The following HEG1 variants were observed in gnomAD, a reference collection of about 807,000 sequenced individuals.
The protein encoded by HEG1 is heart development protein with EGF like domains 1.
A neutral mutation model predicts 125.6 loss-of-function variants in HEG1; 56 were observed. The ratio of observed to expected loss-of-function variants is 0.45; its 90% CI spans 0.36 to 0.56. The LOEUF (loss-of-function observed/expected upper bound fraction) is 0.56, where lower values mean the gene tolerates loss of function less well. Ranked by LOEUF, HEG1 falls within the 20% of genes least tolerant of loss-of-function variation. The pLI is 0.00. For missense variants in HEG1, 1,523 were observed against 1,670.0 expected, an observed-to-expected ratio of 0.91 and a Z score of 1.53; for synonymous variants, 644 against 668.5, an observed-to-expected ratio of 0.96 and a Z score of 0.57.
At chr3:124,975,531 TA>T (rs1359838786) in intron 15 of HEG1, among the ~76,000 whole-genome samples, 1 of 152,246 alleles carries the variant, frequency 6.6e-6, no homozygotes, top group Non-Finnish European at 1.5e-5. Flanking sequence ...TACATAGCTT[TA>T]CTGAGAAACA....
intron 4 of HEG1, 120 bp downstream of exon 4, chr3:125,020,672 T>C (rs1937322290): frequency 1.4e-6 from 1 of 737,042 alleles, no homozygotes; most frequent in Non-Finnish European, 2.2e-6. Flanking sequence ...CAAAATGCAA[T>C]AGTGCCATTA....
At position 124,970,397 on chromosome 3, in the gene HEG1, G is replaced by C; in HGVS notation, c.*255C>G. On this transcript the variant is annotated 3_prime_UTR_variant, in exon 17 of 17. Coordinates refer to ENST00000311127, the MANE Select transcript of HEG1 (RefSeq NM_020733.2). ...GCCCTGGTGCCAGTGCCATGGTGCA[G>C]TCACTCAGAGAGACTCTCTTGATAC... 2.3e-6 allele frequency: 1 copy of C among 438,824 alleles called. No individual in the cohort carries two copies. 27.2% of individuals were successfully genotyped at this position (438,824 alleles called of 1,614,324 possible).
In HEG1 at chr3:125,013,808, A is replaced by G; in HGVS notation, c.1771T>C (p.Ser591Pro). ...GAATACTCTGAATGTGAAGAGTTTG[A>G]GATTTTAATATAAGAAGTTGAGCTC... Reference protein sequence around the residue: ...VESSTSYIKISNSSHSEYSSF... With the variant: ...VESSTSYIKIPNSSHSEYSSF... Residue 591 changes from serine (S) to proline (P), a missense_variant, in exon 6 of 17, where the codon TCA (serine) becomes CCA (proline). Coordinates refer to ENST00000311127, the MANE Select transcript of HEG1 (RefSeq NM_020733.2). 6.2e-7 allele frequency: 1 copy of G among 1,613,956 alleles called. No individual in the cohort carries two copies. Among genetic ancestry groups the G allele is most frequent in the Non-Finnish European group, 8.5e-7 (1 of 1,179,852 alleles).
chr3:125,020,480 G>A (rs924726376), intron 4 of HEG1, among the ~76,000 whole-genome samples: 2 of 152,062 alleles, frequency 1.3e-5, no homozygotes, highest in Non-Finnish European at 2.9e-5. Flanking sequence ...AGACCATCCT[G>A]TAGAGTGAAA....
chr3:124,993,417 G>C lies in HEG1; in HGVS notation c.3653-2431C>G, dbSNP rs146051243. On this transcript the variant is annotated intron_variant, in intron 12 of 16. Transcript: ENST00000311127. ...CCCCATCTCCCAATCTTTGATACCT[G>C]AGTTCTCTGCTGGCCTCACTCAGGT... 9.8e-5 allele frequency among the ~76,000 whole-genome samples: 15 copies of C among 152,312 alleles called. No individual in the cohort carries two copies. The East Asian group carries it at 2.9e-3, about 29-fold the overall frequency.
In HEG1 at chr3:124,965,940, C is replaced by T. The variant is rs971483303; in HGVS notation, c.*4712G>A. 1.3e-5 allele frequency: 2 copies of T among 152,142 alleles called. No homozygotes were observed. The highest frequency in any genetic ancestry group is 4.8e-5 in the African/African-American group (2 of 41,438). 9.4% of individuals were successfully genotyped at this position (152,142 alleles called of 1,614,324 possible). On this transcript the variant is annotated 3_prime_UTR_variant, in exon 17 of 17. Coordinates refer to ENST00000311127, the MANE Select transcript of HEG1 (RefSeq NM_020733.2). Reference sequence around the variant, plus strand: ...AAGGTTTACAAAGAGAAATCCAGGACAACATGAAAACTCCCAAAGTTCATA... The same window carrying T: ...AAGGTTTACAAAGAGAAATCCAGGATAACATGAAAACTCCCAAAGTTCATA...
rs201438380 is a variant in HEG1, at chr3:125,012,968, T to C, written c.2611A>G (p.Ile871Val). 500 of 1,613,938 alleles carry C rather than the reference T, an allele frequency of 3.1e-4. 1 individual carries two copies. The highest frequency in any genetic ancestry group is 1.2e-3 in the Admixed American group (71 of 60,012). ...TTTCCAGCTGTAGTCTGTACGGCTA[T>C]AGGGCCAGTGACCAGAGATGCTGTG... The part of the protein sequence containing the change: ...SSTASLVTGP[I>V]AVQTTAGKQL... Residue 871 changes from isoleucine (I) to valine (V), a missense_variant, in exon 6 of 17, where the codon ATA (isoleucine) becomes GTA (valine). Ile to Val is a conservative substitution (Grantham distance 29). Coordinates refer to ENST00000311127, the MANE Select transcript of HEG1 (RefSeq NM_020733.2).
At chr3:125,041,536 A>C (rs946602256) in intron 1 of HEG1, among the ~76,000 whole-genome samples, 6 of 152,226 alleles carry the variant, frequency 3.9e-5, no homozygotes, top group Non-Finnish European at 8.8e-5. Context: ...TGTGGAAAAC[A>C]GTATGGCGGT....
intron 4 of HEG1, 97 bp from the exon 5 acceptor site, chr3:125,019,694 C>A: frequency 1.1e-6 from 1 of 881,690 alleles, no homozygotes. Flanking sequence ...AGATTCTTTG[C>A]CAAGGAACCT....
At position 125,055,598 on chromosome 3, in the gene HEG1, C is replaced by T; in HGVS notation, c.293G>A (p.Arg98Gln). Residue 98 changes from arginine to glutamine, a missense_variant, in exon 1 of 17, where the codon CGG (arginine) becomes CAG (glutamine). Transcript: ENST00000311127. Reference sequence around the variant, plus strand: ...ACCCGCGCTCCCGCCTCTGGGGGCCCGGCCGGAGGGTCCCCGCTGTGTCGC... The same window carrying T: ...ACCCGCGCTCCCGCCTCTGGGGGCCTGGCCGGAGGGTCCCCGCTGTGTCGC... The part of the protein sequence containing the change: ...GAATQRGPSG[R>Q]APRGGSADAA... 1 of 1,205,402 alleles carries T rather than the reference C, an allele frequency of 8.3e-7. No homozygotes were observed. The highest frequency in any genetic ancestry group is 1.0e-6 in the Non-Finnish European group (1 of 970,674). The allele number at this position is 1,205,402 out of a possible 1,614,324, so 74.7% of individuals were successfully genotyped here.
At chr3:125,027,120 G>A (rs923882474) in intron 3 of HEG1, 85 bp downstream of exon 3, 1 of 1,231,642 alleles carries the variant, frequency 8.1e-7, no homozygotes, top group African/African-American at 1.5e-5. Context: ...CCACTATTAT[G>A]AGTATGTAAC....
chr3:125,036,339 A>G (rs1937547508), intron 1 of HEG1, among the ~76,000 whole-genome samples: 1 of 152,122 alleles, frequency 6.6e-6, no homozygotes, highest in East Asian at 1.9e-4. Context: ...AAAAAAATCA[A>G]TAAATAGCAA....
intron 12 of HEG1, among the ~76,000 whole-genome samples, 160 bp downstream of exon 12, chr3:124,997,529 A>ATG (rs1419151218): frequency 2.0e-5 from 3 of 152,236 alleles, no homozygotes; most frequent in African/African-American, 7.2e-5. Flanking sequence ...CAAGGAGATA[A>ATG]TGTATTCAAT....
chr3:124,990,368 T>C (rs1936812364), intron 14 of HEG1, among the ~76,000 whole-genome samples: 1 of 151,294 alleles, frequency 6.6e-6, no homozygotes, highest in Non-Finnish European at 1.5e-5. Flanking sequence ...AAACGAAGTG[T>C]CGCTCTGTAA....
At chr3:124,997,909 G>T in intron 11 of HEG1, 86 bp from the exon 12 acceptor site, 1 of 1,363,472 alleles carries the variant, frequency 7.3e-7, no homozygotes, top group Non-Finnish European at 9.7e-7. Flanking sequence ...AAGCTCATGT[G>T]TCTGCATGAA....
Position 124,973,916 on chromosome 3 carries a change from CA to C in HEG1, c.3822-12del, listed in dbSNP as rs758022319. The stretch of plus-strand genomic sequence containing the variant: ...TCATTTTTATTCTTTCTGTGGGATA[CA>C]AAAATATTTGTAAAGCTCAATTCCG... On this transcript the variant is annotated splice_polypyrimidine_tract_variant and intron_variant, in intron 15 of 16. Transcript: ENST00000311127. 7 of 1,591,482 alleles carry C rather than the reference CA, an allele frequency of 4.4e-6. No individual in the cohort carries two copies. In the Admixed American group the frequency reaches 6.8e-5, roughly 15 times the overall value.
chr3:124,970,363 CTAATAGTCGCCCTGGT>C lies in HEG1; in HGVS notation c.*273_*288del. 1 of 357,476 alleles carries C rather than the reference CTAATAGTCGCCCTGGT, an allele frequency of 2.8e-6. No homozygotes were observed. The highest frequency in any genetic ancestry group is 2.1e-5 in the African/African-American group (1 of 48,498). 22.1% of individuals were successfully genotyped at this position (357,476 alleles called of 1,614,324 possible). A position where few individuals can be genotyped will look rare whatever the true frequency, so the allele number is the denominator to read the frequency against. On this transcript the variant is annotated 3_prime_UTR_variant, in exon 17 of 17. Coordinates refer to ENST00000311127, the MANE Select transcript of HEG1 (RefSeq NM_020733.2). ...ACTGAAGTCTAGTGGTCTGCCCTGG[CTAATAGTCGCCCTGGT>C]GCCAGTGCCATGGTGCAGTCACTCA...
intron 11 of HEG1, among the ~76,000 whole-genome samples, chr3:124,999,218 A>G (rs1343471395): frequency 6.6e-6 from 1 of 152,200 alleles, no homozygotes; most frequent in African/African-American, 2.4e-5. Flanking sequence ...TATCAGTGGA[A>G]GCTAGCGTGC....
rs111972358 is a variant in HEG1 at position 125,030,740 on chromosome 3, T to A, written c.317-1252A>T. 7.2e-5 allele frequency among the ~76,000 whole-genome samples: 11 copies of A among 152,208 alleles called. No individual in the cohort carries two copies. The South Asian group carries it at 2.3e-3, about 32-fold the overall frequency. ...GTCCTCTTATACTTCCCATTTTACA[T>A]AGGAAGCAAAGGAGGCATGGAGGGT... On this transcript the variant is annotated intron_variant, in intron 1 of 16. Coordinates refer to ENST00000311127, the MANE Select transcript of HEG1 (RefSeq NM_020733.2).
Sources: gnomAD v4.1 joint callset for allele counts (sites outside exome capture counted in the v4.1 genomes callset) on GRCh38, gnomAD v4.1.1 for gene constraint, MANE v1.5 for transcripts, NCBI Gene and HGNC (gene_info 2026-07-23, HGNC 2026-07-21) for gene names.